VAV3: variants seen among roughly 807,000 people sequenced by gnomAD.
VAV3 encodes the protein vav guanine nucleotide exchange factor 3.
In VAV3, 94 loss-of-function variants were observed where a neutral mutation model predicts 131.2. That is an observed-to-expected ratio of 0.72 (90% CI 0.61 to 0.85). The LOEUF is 0.85. VAV3 is among the 40% of genes least tolerant of loss of function. The probability of loss-of-function intolerance (pLI) is 0.00; values close to 1 mark genes in which losing one functional copy is unlikely to be tolerated. For missense variants in VAV3, 939 were observed against 1,002.7 expected (o/e 0.94, Z 0.86); for synonymous variants, 349 against 342.0 (o/e 1.02, Z -0.22).
chr1:107,875,761 G>A (rs1220807429), intron 1 of VAV3, among the ~76,000 whole-genome samples: 2 of 152,172 alleles, frequency 1.3e-5, no homozygotes, highest in African/African-American at 4.8e-5. Context: ...AGAGTGAAAG[G>A]GGCCGGAGCT....
intron 2 of VAV3, among the ~76,000 whole-genome samples, chr1:107,793,389 C>T (rs1666390647): frequency 1.3e-5 from 2 of 152,176 alleles, no homozygotes; most frequent in South Asian, 4.1e-4. Context: ...CCTTTTTATA[C>T]TTGTCCTAAT....
At chr1:107,820,511 A>T (rs1211469501) in intron 2 of VAV3, among the ~76,000 whole-genome samples, 1 of 152,166 alleles carries the variant, frequency 6.6e-6, no homozygotes, top group African/African-American at 2.4e-5. Flanking sequence ...AGTTACAAAA[A>T]TAGAGTTAGA....
At chr1:107,933,700 C>T (rs1673571828) in intron 1 of VAV3, among the ~76,000 whole-genome samples, 1 of 151,176 alleles carries the variant, frequency 6.6e-6, no homozygotes, top group African/African-American at 2.4e-5. Context: ...CCAGTAGTTC[C>T]AGCTCCTCAG....
intron 1 of VAV3, among the ~76,000 whole-genome samples, chr1:107,927,134 C>G (rs960003990): frequency 1.3e-5 from 2 of 151,596 alleles, no homozygotes; most frequent in Admixed American, 1.3e-4. Context: ...TAGGACATCA[C>G]AGTCATGAGC....
At chr1:107,860,999 A>G (rs1669710943) in intron 2 of VAV3, among the ~76,000 whole-genome samples, 1 of 151,736 alleles carries the variant, frequency 6.6e-6, no homozygotes, top group African/African-American at 2.4e-5. Flanking sequence ...GAAAATTTAG[A>G]AAGATAGATT....
chr1:107,648,116 C>T (rs1180278957), intron 19 of VAV3, among the ~76,000 whole-genome samples: 1 of 151,978 alleles, frequency 6.6e-6, no homozygotes. Context: ...AGGGAACACT[C>T]CCCATCAATA....
rs1403142872 is a variant in VAV3, at chr1:107,602,317, A to G, written c.2220+80T>C. ...AACTTTTCAGTGAGCAAAATTTCCA[A>G]GAAACTATAGAATTAAAATGACCTT... On this transcript the variant is annotated intron_variant, in intron 24 of 26. Transcript: ENST00000370056. 4 of 1,062,134 alleles carry G rather than the reference A, an allele frequency of 3.8e-6. No individual in the cohort carries two copies. In the East Asian group the frequency reaches 9.4e-5, roughly 25 times the overall value. The allele number at this position is 1,062,134 out of a possible 1,614,324, so 65.8% of individuals were successfully genotyped here.
chr1:107,910,797 T>C (rs1311688370), intron 1 of VAV3, among the ~76,000 whole-genome samples: 1 of 152,000 alleles, frequency 6.6e-6, no homozygotes, highest in African/African-American at 2.4e-5. Flanking sequence ...CTGGGCAACA[T>C]AGCAAAACCC....
chr1:107,704,679 T>C, intron 16 of VAV3, 29 bp from the exon 17 acceptor site: 1 of 1,566,990 alleles, frequency 6.4e-7, no homozygotes, highest in Non-Finnish European at 8.8e-7. Context: ...AAGTGGTATA[T>C]TAAACGGTGC....
intron 3 of VAV3, among the ~76,000 whole-genome samples, chr1:107,778,261 TGTA>T (rs1665478339): frequency 6.6e-6 from 1 of 152,144 alleles, no homozygotes; most frequent in South Asian, 2.1e-4. Context: ...GTGTGAGAAA[TGTA>T]GTCTCATAAT....
chr1:107,962,301 C>G (rs142481290), intron 1 of VAV3, among the ~76,000 whole-genome samples: 1 of 151,608 alleles, frequency 6.6e-6, no homozygotes, highest in East Asian at 1.9e-4. Context: ...ACAGCTAGAA[C>G]CTTTCCCAAG....
chr1:107,790,679 CTTTTTT>C (rs145926469), intron 2 of VAV3, among the ~76,000 whole-genome samples: 2 of 69,818 alleles, frequency 2.9e-5, no homozygotes, highest in Non-Finnish European at 5.2e-5. Context: ...AAATGTCTTC[CTTTTTT>C]TTTTTTTTTT....
At chr1:107,935,640 A>G (rs1673672752) in intron 1 of VAV3, among the ~76,000 whole-genome samples, 1 of 152,234 alleles carries the variant, frequency 6.6e-6, no homozygotes, top group Non-Finnish European at 1.5e-5. Flanking sequence ...CGTGACCTGA[A>G]TAAGTTCACA....
At chr1:107,616,640 G>A (rs183038446) in intron 21 of VAV3, among the ~76,000 whole-genome samples, 10 of 152,248 alleles carry the variant, frequency 6.6e-5, no homozygotes, top group East Asian at 5.8e-4. Flanking sequence ...AGTAACAGAC[G>A]CTTTTCTATT....
intron 2 of VAV3, among the ~76,000 whole-genome samples, chr1:107,819,331 T>G (rs2102354418): frequency 6.6e-6 from 1 of 152,204 alleles, no homozygotes; most frequent in South Asian, 2.1e-4. Context: ...AAATGAAAGC[T>G]TCAGTTACAT....
intron 24 of VAV3, 64 bp from the exon 25 acceptor site, chr1:107,596,405 C>T (rs568241527): frequency 4.0e-5 from 63 of 1,565,070 alleles, no homozygotes; most frequent in East Asian, 9.0e-5. Context: ...CACATGAACT[C>T]CTGAGCACAT....
chr1:107,895,546 A>AT (rs1289244909), intron 1 of VAV3, among the ~76,000 whole-genome samples: 1 of 152,146 alleles, frequency 6.6e-6, no homozygotes, highest in East Asian at 1.9e-4. Flanking sequence ...TACAGCCAAT[A>AT]GTTAGAGGAG....
chr1:107,740,529 T>C (rs1662955986), intron 15 of VAV3, among the ~76,000 whole-genome samples: 1 of 152,220 alleles, frequency 6.6e-6, no homozygotes, highest in Admixed American at 6.5e-5. Context: ...GTTTATAGTT[T>C]TTTTTGGTGG....
intron 1 of VAV3, among the ~76,000 whole-genome samples, chr1:107,938,733 G>A (rs1359544213): frequency 6.6e-6 from 1 of 152,124 alleles, no homozygotes; most frequent in Non-Finnish European, 1.5e-5. Context: ...TACCTCAAAG[G>A]CTCCTAATGT....
Sources: allele counts gnomAD v4.1 joint callset (sites outside exome capture counted in the v4.1 genomes callset), GRCh38; gene constraint gnomAD v4.1.1; transcripts MANE v1.5; gene names NCBI Gene and HGNC (gene_info 2026-07-23, HGNC 2026-07-21).